COG6: variants seen among roughly 807,000 people sequenced by gnomAD.
COG6 encodes the protein component of oligomeric golgi complex 6, also known as conserved oligomeric Golgi complex subunit 6.
Under a neutral mutation model 88.8 loss-of-function variants are expected in COG6, and 74 were observed. That is an observed-to-expected ratio of 0.83 (90% CI 0.69 to 1.01). COG6 has a LOEUF of 1.01. Ranked by LOEUF, COG6 falls within the 50% of genes least tolerant of loss-of-function variation. The probability of loss-of-function intolerance (pLI) is 0.00; values close to 1 mark genes in which losing one functional copy is unlikely to be tolerated. For missense variants in COG6, 800 were observed against 797.9 expected (o/e 1.00, Z -0.03); for synonymous variants, 286 against 278.7 (o/e 1.03, Z -0.26).
At chr13:39,691,565 C>T (rs79545500) in intron 11 of COG6, among the ~76,000 whole-genome samples, 6 of 151,992 alleles carry the variant, frequency 3.9e-5, no homozygotes, top group Non-Finnish European at 8.8e-5. Context: ...GAATATTTAG[C>T]AGGTGTTCAC....
Position 39,727,465 on chromosome 13 carries a change from T to G in COG6, c.1747-4T>G. ...TATATTTTGTATTTCTCTGTTTCAT[T>G]TAGGTTCAGTTTGATCGTTATCTGT... On this transcript the variant is annotated splice_polypyrimidine_tract_variant and splice_region_variant and intron_variant, in intron 17 of 18. Coordinates refer to ENST00000455146, the MANE Select transcript of COG6 (RefSeq NM_020751.3). The G allele has an allele frequency of 1.2e-6, 2 of 1,607,722 alleles. No individual in the cohort carries two copies. The highest frequency in any genetic ancestry group is 1.7e-6 in the Non-Finnish European group (2 of 1,174,350).
At chr13:39,691,987 A>G (rs1877005258) in intron 11 of COG6, among the ~76,000 whole-genome samples, 1 of 149,334 alleles carries the variant, frequency 6.7e-6, no homozygotes, top group Non-Finnish European at 1.5e-5. Flanking sequence ...AAAAGGTTAT[A>G]GTGGTAATGG....
Position 39,655,693 on chromosome 13 carries a change from TGAGGTGGCAGCAGGGGGCGG to T in COG6, c.-31_-12del, listed in dbSNP as rs756188579. ...GCTGCCTCCGTGGTCCCTGCCTGGC[TGAGGTGGCAGCAGGGGGCGG>T]GACGCGCAGCGCTATGGCAGAGGGC... is the stretch of plus-strand genomic sequence containing the variant. On this transcript the variant is annotated 5_prime_UTR_variant, in exon 1 of 19. Transcript: ENST00000455146. 2 of 1,553,982 alleles carry T rather than the reference TGAGGTGGCAGCAGGGGGCGG, an allele frequency of 1.3e-6. No homozygotes were observed. The highest frequency in any genetic ancestry group is 2.3e-5 in the South Asian group (2 of 85,348).
intron 18 of COG6, among the ~76,000 whole-genome samples, chr13:39,736,146 C>T (rs1001767538): frequency 1.3e-5 from 2 of 151,938 alleles, no homozygotes; most frequent in African/African-American, 4.8e-5. Context: ...GGATTTGCTC[C>T]TTGGAGGCTA....
intron 17 of COG6, among the ~76,000 whole-genome samples, chr13:39,726,492 A>G (rs1015903452): frequency 1.3e-5 from 2 of 151,836 alleles, no homozygotes; most frequent in Non-Finnish European, 2.9e-5. Flanking sequence ...ATGGTCCTCA[A>G]ATATCTTTAC....
At chr13:39,758,093 G>T (rs1483140397) in intron 18 of COG6, among the ~76,000 whole-genome samples, 2 of 151,824 alleles carry the variant, frequency 1.3e-5, no homozygotes, top group Non-Finnish European at 1.5e-5. Context: ...GGTGGCGGAT[G>T]CCTGTAGTCC....
At position 39,687,852 on chromosome 13, in the gene COG6, A is replaced by T. The variant is rs1253531812; in HGVS notation, c.1009+53A>T. 3 of 1,259,024 alleles carry T rather than the reference A, an allele frequency of 2.4e-6. No individual in the cohort carries two copies. In the Admixed American group the frequency reaches 5.3e-5, roughly 22 times the overall value. 78.0% of individuals were successfully genotyped at this position (1,259,024 alleles called of 1,614,324 possible). On this transcript the variant is annotated intron_variant, in intron 10 of 18. Coordinates refer to ENST00000455146, the MANE Select transcript of COG6 (RefSeq NM_020751.3). ...CCTAAATATAGAAAATAACACAAGC[A>T]TCTCTGTTTCTGTTCTTGTTGCCAT...
chr13:39,695,284 T>C (rs1418089988), intron 12 of COG6, among the ~76,000 whole-genome samples: 1 of 151,796 alleles, frequency 6.6e-6, no homozygotes, highest in Admixed American at 6.6e-5. Flanking sequence ...CTTTATCTGA[T>C]TAGGAACCAC....
chr13:39,743,794 CA>C (rs1344388082), intron 18 of COG6, among the ~76,000 whole-genome samples: 2 of 151,920 alleles, frequency 1.3e-5, no homozygotes, highest in Non-Finnish European at 2.9e-5. Context: ...GGCAGAGACA[CA>C]ACAAAAAAAG....
At chr13:39,745,149 C>G (rs1331059898) in intron 18 of COG6, among the ~76,000 whole-genome samples, 1 of 152,186 alleles carries the variant, frequency 6.6e-6, no homozygotes, top group Non-Finnish European at 1.5e-5. Context: ...TAGAAGAAAA[C>G]TTAGCCAATA....
intron 1 of COG6, chr13:39,656,942 A>G (rs1428231200): frequency 1.1e-5 from 5 of 449,206 alleles, no homozygotes; most frequent in African/African-American, 1.0e-4. Context: ...ACAAATATTA[A>G]TTTTATCATA....
At chr13:39,760,471 A>G (rs1246475785) in intron 18 of COG6, among the ~76,000 whole-genome samples, 2 of 152,178 alleles carry the variant, frequency 1.3e-5, no homozygotes, top group Non-Finnish European at 2.9e-5. Flanking sequence ...AGGTGCTGCT[A>G]AAAAAGAAAA....
In COG6 at chr13:39,784,763, T is replaced by C. The variant is rs969465706; in HGVS notation, c.1827-3572T>C. ...CCTTCAAATAAAGTTTTCAAGAGAA[T>C]AGAAAGAGAGGAACCTCTGGGCTCC... On this transcript the variant is annotated intron_variant, in intron 18 of 18. Transcript: ENST00000416691. Among the ~76,000 whole-genome samples the C allele has an allele frequency of 1.6e-4, 25 of 152,160 alleles. No homozygotes were observed. In the East Asian group the frequency reaches 4.8e-3, roughly 29 times the overall value.
intron 13 of COG6, among the ~76,000 whole-genome samples, chr13:39,703,128 C>T (rs1877678771): frequency 6.6e-6 from 1 of 152,046 alleles, no homozygotes; most frequent in African/African-American, 2.4e-5. Context: ...AGGAAAGCCC[C>T]CCAGGAGGTC....
At chr13:39,758,384 T>C (rs1222420675) in intron 18 of COG6, among the ~76,000 whole-genome samples, 1 of 152,230 alleles carries the variant, frequency 6.6e-6, no homozygotes, top group Non-Finnish European at 1.5e-5. Flanking sequence ...CATCAAGTTC[T>C]TCCTTGAAAA....
intron 15 of COG6, 32 bp from the exon 16 acceptor site, chr13:39,723,301 T>C: frequency 1.4e-6 from 2 of 1,386,660 alleles, no homozygotes; most frequent in Admixed American, 3.4e-5. Context: ...GTCATTCTTC[T>C]TTTAAAATGT....
intron 11 of COG6, among the ~76,000 whole-genome samples, chr13:39,692,636 C>A (rs1877044886): frequency 6.6e-6 from 1 of 151,900 alleles, no homozygotes. Context: ...GAACACAAAC[C>A]CACTCTCTTT....
At chr13:39,752,674 TTGA>T, downstream of COG6, 1 of 1,187,268 alleles carries the variant, frequency 8.4e-7, no homozygotes, top group Non-Finnish European at 1.1e-6. Flanking sequence ...ATATATCCTA[TTGA>T]TGTGTTTTTA....
At chr13:39,676,897 A>G (rs1876004143) in intron 4 of COG6, among the ~76,000 whole-genome samples, 1 of 152,100 alleles carries the variant, frequency 6.6e-6, no homozygotes, top group South Asian at 2.1e-4. Flanking sequence ...GCACTCATAT[A>G]ATTTAAAAGG....
Sources: gnomAD v4.1 joint callset for allele counts (sites outside exome capture counted in the v4.1 genomes callset) on GRCh38, gnomAD v4.1.1 for gene constraint, MANE v1.5 for transcripts, NCBI Gene and HGNC (gene_info 2026-07-23, HGNC 2026-07-21) for gene names.